Variants in P2RY12 observed in about 807,000 individuals in gnomAD.
The protein encoded by P2RY12 is P2Y purinoceptor 12.
A neutral mutation model predicts 4.5 loss-of-function variants in P2RY12; 3 were observed. The observed-to-expected ratio is 0.67, with a 90% CI of 0.31 to 1.74. The LOEUF (loss-of-function observed/expected upper bound fraction) is 1.74, where lower values mean the gene tolerates loss of function less well. P2RY12 is among the 40% of genes most tolerant of loss of function. The pLI, the probability that P2RY12 is intolerant of heterozygous loss-of-function variation, is 0.09. For synonymous variants in P2RY12, 148 were observed against 154.1 expected (o/e 0.96, Z 0.29); for missense variants, 356 against 407.8 (o/e 0.87, Z 1.09).
At position 151,384,114 on chromosome 3, in the gene P2RY12, G is replaced by T. The variant is rs950827207; in HGVS notation, c.-180+578C>A. On this transcript the variant is annotated intron_variant, in intron 1 of 2. Coordinates refer to ENST00000302632, the MANE Select transcript of P2RY12 (RefSeq NM_022788.5). ...ATTCACAACAGTTCTTGACATGCTG[G>T]GTGTTTTAATCAATGGAACGTTAGC... The T allele has an allele frequency of 3.7e-6, 6 of 1,613,806 alleles. No individual in the cohort carries two copies. Among genetic ancestry groups the T allele is most frequent in the Non-Finnish European group, 5.1e-6 (6 of 1,179,884 alleles).
intron 1 of P2RY12, among the ~76,000 whole-genome samples, chr3:151,371,475 A>G (rs79367820): frequency 1.3e-5 from 2 of 152,220 alleles, no homozygotes; most frequent in African/African-American, 2.4e-5. Flanking sequence ...TGAGAAACAT[A>G]TGATTATATA....
intron 1 of P2RY12, among the ~76,000 whole-genome samples, chr3:151,366,329 C>T (rs764275546): frequency 2.0e-5 from 3 of 152,178 alleles, no homozygotes; most frequent in Non-Finnish European, 4.4e-5. Flanking sequence ...TTCCTCACAG[C>T]ATGGGACATA....
chr3:151,377,101 G>A (rs1038021936), intron 1 of P2RY12: 1 of 1,613,950 alleles, frequency 6.2e-7, no homozygotes, highest in East Asian at 2.2e-5. Flanking sequence ...ATTCTGGCAT[G>A]AGCCTCTTCA....
intron 1 of P2RY12, chr3:151,360,664 C>T (rs1754495559): frequency 6.9e-7 from 1 of 1,459,134 alleles, no homozygotes; most frequent in Non-Finnish European, 9.4e-7. Flanking sequence ...TGTTAGTGAC[C>T]CTGACAATAT....
At chr3:151,363,090 C>G (rs540823634) in intron 1 of P2RY12, among the ~76,000 whole-genome samples, 1 of 151,912 alleles carries the variant, frequency 6.6e-6, no homozygotes, top group Non-Finnish European at 1.5e-5. Context: ...AAGTAACATG[C>G]GCTGGGCGTG....
intron 1 of P2RY12, among the ~76,000 whole-genome samples, chr3:151,363,550 CAAG>C (rs1754888970): frequency 6.6e-6 from 1 of 152,150 alleles, no homozygotes; most frequent in African/African-American, 2.4e-5. Context: ...ACATCAACCT[CAAG>C]AAACTGAAAA....
At chr3:151,380,873 C>T (rs1261415814) in intron 1 of P2RY12, among the ~76,000 whole-genome samples, 1 of 152,182 alleles carries the variant, frequency 6.6e-6, no homozygotes, top group Non-Finnish European at 1.5e-5. Context: ...GTGAGTCCAG[C>T]TCCTCAAGCT....
rs780654645 is a variant in P2RY12, at chr3:151,338,311, T to G, written c.535A>C (p.Lys179Gln). 1.9e-6 allele frequency: 3 copies of G among 1,614,146 alleles called. No individual in the cohort carries two copies. In the Admixed American group the frequency reaches 5.0e-5, roughly 27 times the overall value. Reference protein sequence around the residue: ...DKNVKKCSFLKSEFGLVWHEI... With the variant: ...DKNVKKCSFLQSEFGLVWHEI... ...TGCCAGACTAGACCGAACTCTGATTTAAGGAAAGAGCATTTCTTCACATTC... is the reference window on the plus strand; with the variant it reads ...TGCCAGACTAGACCGAACTCTGATTGAAGGAAAGAGCATTTCTTCACATTC... Residue 179 changes from lysine (K) to glutamine (Q), a missense_variant, in exon 3 of 3, where the codon AAA becomes CAA. Lys to Gln is a moderately conservative substitution (Grantham distance 53, BLOSUM62 1). Transcript: ENST00000302632.
chr3:151,378,631 GCCA>G (rs1331294694), intron 1 of P2RY12, among the ~76,000 whole-genome samples: 4 of 151,856 alleles, frequency 2.6e-5, no homozygotes, highest in African/African-American at 9.7e-5. Flanking sequence ...AGACTCCTCG[GCCA>G]CCACAACTAA....
chr3:151,364,849 G>A, intron 1 of P2RY12: 5 of 652,948 alleles, frequency 7.7e-6, no homozygotes, highest in South Asian at 2.0e-5. Flanking sequence ...TTCTAATTAA[G>A]AACTCATAAT....
intron 1 of P2RY12, among the ~76,000 whole-genome samples, chr3:151,366,450 A>G (rs991896881): frequency 2.0e-5 from 3 of 152,222 alleles, no homozygotes; most frequent in African/African-American, 4.8e-5. Flanking sequence ...GTCCAGGTCT[A>G]GATTCCGAGG....
At chr3:151,365,770 A>T in intron 1 of P2RY12, 1 of 1,221,740 alleles carries the variant, frequency 8.2e-7, no homozygotes, top group Non-Finnish European at 1.1e-6. Context: ...TTAGTGAAAT[A>T]TATGTTAATT....
chr3:151,382,157 T>C (rs1463717556), intron 1 of P2RY12, among the ~76,000 whole-genome samples: 1 of 152,148 alleles, frequency 6.6e-6, no homozygotes, highest in East Asian at 1.9e-4. Context: ...ATGTCTGCAA[T>C]GCCATATTTT....
intron 1 of P2RY12, among the ~76,000 whole-genome samples, chr3:151,374,827 A>G (rs1463407120): frequency 6.6e-6 from 1 of 152,228 alleles, no homozygotes; most frequent in Non-Finnish European, 1.5e-5. Context: ...ACAAAAAAGT[A>G]TACTCAGAGA....
rs1044568742 is a variant in P2RY12, at chr3:151,338,383, G to T, written c.463C>A (p.Leu155Ile). Residue 155 changes from leucine to isoleucine, a missense_variant, in exon 3 of 3, where the codon CTC becomes ATC. Physicochemically the swap from Leu to Ile is conservative, Grantham distance 5. Coordinates refer to ENST00000302632, the MANE Select transcript of P2RY12 (RefSeq NM_022788.5). ...GTCAGAATCATGTTAGGCAAAGAGA[G>T]TAAGAACATGAATGCCCAGATGACA... is the stretch of plus-strand genomic sequence containing the variant. ...SVVIWAFMFL[L>I]SLPNMILTNR... The T allele has an allele frequency of 6.2e-7, 1 of 1,614,110 alleles. No homozygotes were observed. The highest frequency in any genetic ancestry group is 1.7e-5 in the Admixed American group (1 of 59,992).
chr3:151,377,352 C>A (rs1009298464), intron 1 of P2RY12, among the ~76,000 whole-genome samples: 1 of 152,106 alleles, frequency 6.6e-6, no homozygotes, highest in Non-Finnish European at 1.5e-5. Context: ...ATGATAGCTT[C>A]GGAATATTTG....
chr3:151,378,055 G>T (rs1248031284), intron 1 of P2RY12: 11 of 1,610,028 alleles, frequency 6.8e-6, no homozygotes, highest in South Asian at 2.2e-5. Context: ...CCCCCTCATC[G>T]CCAGGTTGCC....
At chr3:151,372,688 C>G in intron 1 of P2RY12, 2 of 1,613,922 alleles carry the variant, frequency 1.2e-6, no homozygotes, top group South Asian at 2.2e-5. Flanking sequence ...ATCCAAAATC[C>G]TGTGGGAAAA....
intron 1 of P2RY12, among the ~76,000 whole-genome samples, chr3:151,352,987 G>A (rs1345548573): frequency 3.9e-5 from 6 of 152,148 alleles, no homozygotes; most frequent in Non-Finnish European, 8.8e-5. Flanking sequence ...TTAAAATAAA[G>A]TATTTCGTTG....
Sources: allele counts gnomAD v4.1 joint callset (sites outside exome capture counted in the v4.1 genomes callset), GRCh38; gene constraint gnomAD v4.1.1; transcripts MANE v1.5; gene names NCBI Gene and HGNC (gene_info 2026-07-23, HGNC 2026-07-21).